The following DIP2C variants were observed in gnomAD, a reference collection of about 807,000 sequenced individuals.
DIP2C encodes DIP2 acetate--CoA ligase C (putative), also known as disco-interacting protein 2 homolog C.
DIP2C carries 33 observed loss-of-function variants against 192.4 expected under a neutral mutation model. The observed-to-expected ratio is 0.17, with a 90% CI of 0.13 to 0.23. DIP2C has a LOEUF of 0.23. Among genes scored for constraint, DIP2C ranks in the 10% least tolerant of loss-of-function variants. The probability of loss-of-function intolerance (pLI) is 1.00; values close to 1 mark genes in which losing one functional copy is unlikely to be tolerated. For synonymous variants in DIP2C, 979 were observed against 864.1 expected, an observed-to-expected ratio of 1.13 and a Z score of -2.33; for missense variants, 1,537 against 2,110.1, an observed-to-expected ratio of 0.73 and a Z score of 5.32.
chr10:640,554 C>G (rs944278369), intron 1 of DIP2C, among the ~76,000 whole-genome samples: 4 of 152,128 alleles, frequency 2.6e-5, no homozygotes, highest in Non-Finnish European at 5.9e-5. Flanking sequence ...TAGAAACACA[C>G]GACAGACCCC....
At chr10:506,917 C>A (rs1169094490) in intron 1 of DIP2C, among the ~76,000 whole-genome samples, 1 of 152,042 alleles carries the variant, frequency 6.6e-6, no homozygotes, top group African/African-American at 2.4e-5. Context: ...CCTGGTCACC[C>A]ACTGTGCATG....
At chr10:579,494 G>A (rs1174945805) in intron 1 of DIP2C, among the ~76,000 whole-genome samples, 2 of 150,462 alleles carry the variant, frequency 1.3e-5, no homozygotes, top group South Asian at 2.1e-4. Flanking sequence ...ACAAACATAA[G>A]TGCACTATGT....
intron 1 of DIP2C, among the ~76,000 whole-genome samples, chr10:600,184 G>C (rs1851965903): frequency 6.6e-6 from 1 of 152,162 alleles, no homozygotes. Context: ...AAGACATTTG[G>C]TTACGACCGG....
chr10:278,459 C>T (rs1161552174), intron 36 of DIP2C, among the ~76,000 whole-genome samples: 1 of 152,162 alleles, frequency 6.6e-6, no homozygotes, highest in Non-Finnish European at 1.5e-5. Flanking sequence ...TGGGGACACA[C>T]CTGGGCTGGC....
Position 387,820 on chromosome 10 carries a change from G to A in DIP2C, c.1598-11C>T, listed in dbSNP as rs1014812496. The A allele has an allele frequency of 1.2e-6, 2 of 1,614,082 alleles. No individual in the cohort carries two copies. Among genetic ancestry groups the A allele is most frequent in the African/African-American group, 1.3e-5 (1 of 74,922 alleles). ...TCACAATGGTTTCAGCTGCACAACA[G>A]AGGGAGTCAGGAGATTTTTACTTAG... On this transcript the variant is annotated splice_polypyrimidine_tract_variant and intron_variant, in intron 13 of 36. Coordinates refer to ENST00000280886, the MANE Select transcript of DIP2C (RefSeq NM_014974.3).
rs570021236 is a variant in DIP2C, at chr10:567,181, G to GT, written c.86-80652dup. 1.4e-4 allele frequency among the ~76,000 whole-genome samples: 20 copies of GT among 140,246 alleles called. No individual in the cohort carries two copies. The South Asian group carries it at 4.2e-3, about 30-fold the overall frequency. The allele number at this position is 140,246 out of a possible 152,430, so 92.0% of individuals were successfully genotyped here. A position where few individuals can be genotyped will look rare whatever the true frequency, so the allele number is the denominator to read the frequency against. On this transcript the variant is annotated intron_variant, in intron 1 of 36. Coordinates refer to ENST00000280886, the MANE Select transcript of DIP2C (RefSeq NM_014974.3). ...GGAGGACAGGCACCGGTTTTGGGGG[G>GT]TTTTTTGTTTTGTTTTGTTTTTTTT... is the stretch of plus-strand genomic sequence containing the variant.
At chr10:548,046 T>C (rs1442493597) in intron 1 of DIP2C, among the ~76,000 whole-genome samples, 1 of 152,122 alleles carries the variant, frequency 6.6e-6, no homozygotes, top group East Asian at 1.9e-4. Flanking sequence ...CTGCAATGCT[T>C]CATTTAGGAG....
chr10:378,008 G>A (rs1032348537), intron 17 of DIP2C, among the ~76,000 whole-genome samples: 1 of 152,164 alleles, frequency 6.6e-6, no homozygotes, highest in Non-Finnish European at 1.5e-5. Context: ...ACATTCTAGA[G>A]ATGGTAACAG....
intron 1 of DIP2C, among the ~76,000 whole-genome samples, chr10:687,083 C>T (rs1460939871): frequency 6.6e-6 from 1 of 152,222 alleles, no homozygotes; most frequent in Non-Finnish European, 1.5e-5. Flanking sequence ...ATTCTCTCCA[C>T]TTGAATTTTG....
chr10:486,667 C>T, intron 1 of DIP2C, 137 bp from the exon 2 acceptor site: 1 of 622,614 alleles, frequency 1.6e-6, no homozygotes. Context: ...AAGCACTGCA[C>T]ATCAAACAAC....
chr10:596,946 T>C (rs371761376), intron 1 of DIP2C, among the ~76,000 whole-genome samples: 333 of 152,312 alleles, frequency 2.2e-3, no homozygotes, highest in African/African-American at 5.7e-3. Flanking sequence ...ACACGTGGCA[T>C]TGGTTTTGTG....
intron 3 of DIP2C, among the ~76,000 whole-genome samples, chr10:463,852 C>A (rs544234038): frequency 2.6e-5 from 4 of 152,090 alleles, no homozygotes; most frequent in Admixed American, 2.0e-4. Context: ...CATCTACAAC[C>A]ATCTGATCTT....
intron 31 of DIP2C, among the ~76,000 whole-genome samples, 180 bp from the exon 32 acceptor site, chr10:310,272 C>T (rs1956513039): frequency 6.6e-6 from 1 of 152,168 alleles, no homozygotes; most frequent in African/African-American, 2.4e-5. Flanking sequence ...ACCTAAATTC[C>T]AGAAGGAATA....
intron 1 of DIP2C, among the ~76,000 whole-genome samples, chr10:518,627 C>T (rs752022118): frequency 9.2e-5 from 14 of 152,296 alleles, no homozygotes; most frequent in Admixed American, 7.2e-4. Flanking sequence ...GGGGCCCACA[C>T]CAGAACCCAC....
intron 1 of DIP2C, among the ~76,000 whole-genome samples, chr10:534,481 G>A (rs1002737026): frequency 1.9e-4 from 29 of 152,130 alleles, no homozygotes; most frequent in Admixed American, 7.9e-4. Context: ...AAAGAAGTTA[G>A]CGCACATTCC....
chr10:650,231 G>A (rs1378310857), intron 1 of DIP2C: 4 of 717,142 alleles, frequency 5.6e-6, no homozygotes, highest in Non-Finnish European at 5.2e-6. Flanking sequence ...GCTGTTCCCT[G>A]TTCCCTTCCC....
intron 4 of DIP2C, among the ~76,000 whole-genome samples, chr10:432,985 G>A (rs533961127): frequency 5.3e-5 from 8 of 152,196 alleles, no homozygotes; most frequent in East Asian, 1.9e-4. Context: ...GAACATACTC[G>A]TTTAATTCCT....
chr10:341,282 C>A lies in DIP2C; in HGVS notation c.3501G>T (p.Gln1167His), dbSNP rs1399632987. ...CTTCTCTAGAGGGGTAAAGTTCACA[C>A]TGCAGCTTAATGGAACGGCAGAAGG... ...TSAFCRSIKL[Q>H]CELYPSREVA... The change falls in exon 29 of 37, where the codon CAG becomes CAT. Residue 1167 changes from glutamine to histidine, a missense_variant. By Grantham distance (24) the Gln-to-His change is conservative. Coordinates refer to ENST00000280886, the MANE Select transcript of DIP2C (RefSeq NM_014974.3). 1 of 1,614,074 alleles carries A rather than the reference C, an allele frequency of 6.2e-7. No homozygotes were observed. Among genetic ancestry groups the A allele is most frequent in the Admixed American group, 1.7e-5 (1 of 60,010 alleles).
At chr10:540,173 T>G (rs1847899853) in intron 1 of DIP2C, among the ~76,000 whole-genome samples, 1 of 152,230 alleles carries the variant, frequency 6.6e-6, no homozygotes, top group Non-Finnish European at 1.5e-5. Context: ...ATAAAAATGA[T>G]GTGCGTGTTT....
Sources: gnomAD v4.1 joint callset for allele counts (sites outside exome capture counted in the v4.1 genomes callset) on GRCh38, gnomAD v4.1.1 for gene constraint, MANE v1.5 for transcripts, NCBI Gene and HGNC (gene_info 2026-07-23, HGNC 2026-07-21) for gene names.